DCAF5: variants seen among roughly 807,000 people sequenced by gnomAD.
DCAF5 encodes DDB1- and CUL4-associated factor 5.
Under a neutral mutation model 80.7 loss-of-function variants are expected in DCAF5, and 9 were observed. The observed-to-expected ratio is 0.11, with a 90% CI of 0.07 to 0.19. DCAF5 has a LOEUF of 0.19. DCAF5 is among the 10% of genes least tolerant of loss of function. DCAF5 has a pLI of 1.00. For synonymous variants in DCAF5, 433 were observed against 461.9 expected (o/e 0.94, Z 0.80); for missense variants, 842 against 1,205.7 (o/e 0.70, Z 4.47).
At chr14:69,139,608 G>A (rs1178832910) in intron 1 of DCAF5, among the ~76,000 whole-genome samples, 1 of 152,062 alleles carries the variant, frequency 6.6e-6, no homozygotes, top group East Asian at 1.9e-4. Context: ...GAGGCCAGGA[G>A]TTCAAGACCA....
intron 5 of DCAF5, among the ~76,000 whole-genome samples, chr14:69,094,144 G>C (rs1355389623): frequency 6.6e-6 from 1 of 152,208 alleles, no homozygotes; most frequent in Non-Finnish European, 1.5e-5. Flanking sequence ...TCAACAGAAA[G>C]AGACTTGGCC....
intron 7 of DCAF5, 77 bp downstream of exon 7, chr14:69,075,268 T>C (rs1472417755): frequency 2.6e-6 from 3 of 1,150,092 alleles, no homozygotes; most frequent in Admixed American, 2.0e-5. Flanking sequence ...GCTAAAGATC[T>C]GTCCCCTCAG....
At chr14:69,067,226 G>C (rs1455840387) in intron 7 of DCAF5, among the ~76,000 whole-genome samples, 2 of 151,702 alleles carry the variant, frequency 1.3e-5, no homozygotes, top group Non-Finnish European at 2.9e-5. Context: ...AAAGATGTGA[G>C]TGTATTAGAT....
At chr14:69,094,816 C>T (rs942547748) in intron 5 of DCAF5, among the ~76,000 whole-genome samples, 1 of 152,108 alleles carries the variant, frequency 6.6e-6, no homozygotes, top group African/African-American at 2.4e-5. Flanking sequence ...GGATTCCCAC[C>T]CCCTGTCCCC....
chr14:69,122,197 G>T lies in DCAF5; in HGVS notation c.358+20C>A. 2 of 1,607,038 alleles carry T rather than the reference G, an allele frequency of 1.2e-6. No homozygotes were observed. The highest frequency in any genetic ancestry group is 4.5e-5 in the East Asian group (2 of 44,640). ...ATCCCAACCACAGTGACGTTCCCAA[G>T]GTAGAATCTCCCTTTTTACCTCCAG... On this transcript the variant is annotated intron_variant, in intron 2 of 8. Transcript: ENST00000341516.
intron 1 of DCAF5, among the ~76,000 whole-genome samples, chr14:69,130,438 C>A (rs573331274): frequency 1.3e-5 from 2 of 151,952 alleles, no homozygotes; most frequent in African/African-American, 4.8e-5. Context: ...AGAGGAATGG[C>A]GAGTCATAGT....
At chr14:69,092,524 G>T (rs1482037464) in intron 5 of DCAF5, among the ~76,000 whole-genome samples, 2 of 152,112 alleles carry the variant, frequency 1.3e-5, no homozygotes, top group Admixed American at 6.6e-5. Context: ...AGGCTGAGGA[G>T]GGAGCGCCAC....
chr14:69,105,927 ATATATATATATATATAT>A lies in DCAF5; in HGVS notation c.665+10422_665+10438del, dbSNP rs1218674397. ...CTAATAAACTGTCATATATATATAT[ATATATATATATATATAT>A]ATCTCCTATTGGTTCTGTTCCTCTG... On this transcript the variant is annotated intron_variant, in intron 5 of 8. Transcript: ENST00000341516. 3.8e-5 allele frequency among the ~76,000 whole-genome samples: 3 copies of A among 79,770 alleles called. 1 individual carries two copies. Among genetic ancestry groups the A allele is most frequent in the Non-Finnish European group, 5.0e-5 (2 of 39,860 alleles). 52.3% of individuals were successfully genotyped at this position (79,770 alleles called of 152,430 possible). A position where few individuals can be genotyped will look rare whatever the true frequency, so the allele number is the denominator to read the frequency against.
At chr14:69,080,592 C>A (rs2039065629) in intron 6 of DCAF5, among the ~76,000 whole-genome samples, 1 of 152,160 alleles carries the variant, frequency 6.6e-6, no homozygotes, top group African/African-American at 2.4e-5. Context: ...AGTACCTGCT[C>A]ATTCTCACCC....
chr14:69,122,196 A>C, intron 2 of DCAF5, 21 bp downstream of exon 2: 1 of 1,606,558 alleles, frequency 6.2e-7, no homozygotes, highest in Non-Finnish European at 8.5e-7. Context: ...GACGTTCCCA[A>C]GGTAGAATCT....
At chr14:69,095,264 C>A (rs2039663776) in intron 5 of DCAF5, among the ~76,000 whole-genome samples, 1 of 151,938 alleles carries the variant, frequency 6.6e-6, no homozygotes, top group African/African-American at 2.4e-5. Flanking sequence ...AAGTGGCCAC[C>A]AATACATTCA....
chr14:69,062,570 C>T, intron 7 of DCAF5, 59 bp from the exon 8 acceptor site: 1 of 1,588,394 alleles, frequency 6.3e-7, no homozygotes, highest in African/African-American at 1.3e-5. Flanking sequence ...TAAATAGGTT[C>T]CAGTAATGGC....
chr14:69,108,982 G>C (rs558360207), intron 5 of DCAF5, among the ~76,000 whole-genome samples: 2 of 152,206 alleles, frequency 1.3e-5, no homozygotes, highest in East Asian at 3.9e-4. Flanking sequence ...GGAATCGTAG[G>C]GAAGAAGATA....
chr14:69,144,104 TCAAATCTCCTTGCCTTTCTATACTA>T (rs1224469380), intron 1 of DCAF5, among the ~76,000 whole-genome samples: 1 of 152,158 alleles, frequency 6.6e-6, no homozygotes, highest in Non-Finnish European at 1.5e-5. Context: ...TGCAAAACCT[TCAAATCTCCTTGCCTTTCTATACTA>T]CAAATCTCAT....
intron 1 of DCAF5, among the ~76,000 whole-genome samples, chr14:69,123,466 T>C (rs1566775533): frequency 6.6e-6 from 1 of 152,228 alleles, no homozygotes; most frequent in Non-Finnish European, 1.5e-5. Context: ...CTGTTTATAG[T>C]GCCAACTATA....
At chr14:69,107,423 A>G (rs748226767) in intron 5 of DCAF5, among the ~76,000 whole-genome samples, 13 of 152,206 alleles carry the variant, frequency 8.5e-5, no homozygotes, top group African/African-American at 1.4e-4. Context: ...TGGCAGAATC[A>G]AAGGTCCCAC....
At chr14:69,070,480 T>A (rs2038643173) in intron 7 of DCAF5, among the ~76,000 whole-genome samples, 1 of 152,214 alleles carries the variant, frequency 6.6e-6, no homozygotes, top group Non-Finnish European at 1.5e-5. Flanking sequence ...ACATTTTATG[T>A]AAGAAACTGA....
chr14:69,128,653 A>C (rs2140086870), intron 1 of DCAF5, among the ~76,000 whole-genome samples: 1 of 152,312 alleles, frequency 6.6e-6, no homozygotes. Context: ...CTGTAGTCCC[A>C]GCTACTGGGG....
At position 69,152,716 on chromosome 14, in the gene DCAF5, GGCTGGGAGGGT is replaced by G. The variant is rs778977897; in HGVS notation, c.214+38_214+48del. 2 of 1,449,512 alleles carry G rather than the reference GGCTGGGAGGGT, an allele frequency of 1.4e-6. No homozygotes were observed. Among genetic ancestry groups the G allele is most frequent in the East Asian group, 2.3e-5 (1 of 42,734 alleles). 89.8% of individuals were successfully genotyped at this position (1,449,512 alleles called of 1,614,324 possible). On this transcript the variant is annotated intron_variant, in intron 1 of 8. Transcript: ENST00000341516. The surrounding 1 kb of genome is among the most constrained non-coding windows in gnomAD (Gnocchi z 4.1). ...GTGACGGGGGAGAGCGAGAGGGGGA[GGCTGGGAGGGT>G]GCGGGGAGGCGCGGGGAGGGGAAGG...
Sources: gnomAD v4.1 joint callset for allele counts (sites outside exome capture counted in the v4.1 genomes callset) on GRCh38, gnomAD v4.1.1 for gene constraint, Gnocchi (gnomAD v3.1) non-coding constraint, MANE v1.5 for transcripts, NCBI Gene and HGNC (gene_info 2026-07-23, HGNC 2026-07-21) for gene names.